The following ABCA13 variants were observed in gnomAD, a reference collection of about 807,000 sequenced individuals.
ABCA13 encodes ATP-binding cassette sub-family A member 13.
In ABCA13, 476 loss-of-function variants were observed where a neutral mutation model predicts 478.7. The observed-to-expected ratio is 0.99, with a 90% confidence interval of 0.92 to 1.07. The LOEUF is 1.07. Ranked by LOEUF, ABCA13 falls within the 50% of genes least tolerant of loss-of-function variation. The pLI is 0.00. For synonymous variants in ABCA13, 2,252 were observed against 2,158.9 expected (o/e 1.04, Z -1.20); for missense variants, 6,060 against 5,910.6 (o/e 1.03, Z -0.83).
At chr7:48,590,566 G>C (rs1452869609) in intron 57 of ABCA13, among the ~76,000 whole-genome samples, 3 of 152,104 alleles carry the variant, frequency 2.0e-5, no homozygotes, top group Non-Finnish European at 4.4e-5. Flanking sequence ...CCTCCACACT[G>C]TTTTCCATAA....
At chr7:48,573,022 A>G (rs970714281) in intron 55 of ABCA13, among the ~76,000 whole-genome samples, 1 of 152,094 alleles carries the variant, frequency 6.6e-6, no homozygotes, top group Non-Finnish European at 1.5e-5. Flanking sequence ...GGTGCATAAT[A>G]TACTAAAATT....
At chr7:48,247,265 A>G (rs1791839137) in intron 13 of ABCA13, among the ~76,000 whole-genome samples, 2 of 152,046 alleles carry the variant, frequency 1.3e-5, no homozygotes, top group African/African-American at 4.8e-5. Context: ...AATAAATAAG[A>G]AAAGTGTATG....
chr7:48,511,047 T>C, intron 50 of ABCA13, 37 bp from the exon 51 acceptor site: 1 of 1,489,238 alleles, frequency 6.7e-7, no homozygotes, highest in Non-Finnish European at 9.4e-7. Flanking sequence ...GACCATCTGA[T>C]GTAACAGCTC....
intron 10 of ABCA13, chr7:48,242,874 A>G (rs556808439): frequency 2.0e-5 from 3 of 152,384 alleles, no homozygotes; most frequent in African/African-American, 7.2e-5. Context: ...AATTGTTCAT[A>G]TCTTTTTCTC....
chr7:48,630,192 G>T (rs1794052068), intron 59 of ABCA13, among the ~76,000 whole-genome samples: 1 of 151,834 alleles, frequency 6.6e-6, no homozygotes, highest in African/African-American at 2.4e-5. Context: ...TAGGGGTATA[G>T]GTGTGGATTT....
chr7:48,639,453 G>C (rs1307969189), intron 59 of ABCA13, among the ~76,000 whole-genome samples: 1 of 152,200 alleles, frequency 6.6e-6, no homozygotes, highest in African/African-American at 2.4e-5. Flanking sequence ...TGAGGCAGCG[G>C]GGACCCCATA....
Position 48,335,464 on chromosome 7 carries a change from T to A in ABCA13, c.10042T>A (p.Ser3348Thr). 6.2e-7 allele frequency: 1 copy of A among 1,613,456 alleles called. No homozygotes were observed. Among genetic ancestry groups the A allele is most frequent in the African/African-American group, 1.3e-5 (1 of 75,030 alleles). ...FYIVDKLKTL[S>T]ETLLEMSSLF... ...TATTGTGGACAAACTAAAAACTTTA[T>A]CAGAAACACTGCTGGAAATGTCCAG... Residue 3348 changes from serine (S) to threonine (T), a missense_variant, in exon 28 of 62, where the codon TCA becomes ACA. Physicochemically the swap from Ser to Thr is moderately conservative, Grantham distance 58. Transcript: ENST00000435803.
chr7:48,579,587 T>C (rs1429945622), intron 55 of ABCA13, among the ~76,000 whole-genome samples: 1 of 152,052 alleles, frequency 6.6e-6, no homozygotes, highest in African/African-American at 2.4e-5. Flanking sequence ...CTAAATATAG[T>C]CTTCCCACCT....
At chr7:48,491,270 C>G (rs537160130) in intron 48 of ABCA13, among the ~76,000 whole-genome samples, 1 of 152,260 alleles carries the variant, frequency 6.6e-6, no homozygotes, top group South Asian at 2.1e-4. Flanking sequence ...ACATTAATAA[C>G]AAATGATAGA....
chr7:48,388,945 T>C, intron 36 of ABCA13, 95 bp from the exon 37 acceptor site: 1 of 1,416,864 alleles, frequency 7.1e-7, no homozygotes, highest in Non-Finnish European at 9.7e-7. Flanking sequence ...AGAGCTGGAA[T>C]TCAATTTCAA....
intron 47 of ABCA13, among the ~76,000 whole-genome samples, chr7:48,484,491 C>T (rs900904696): frequency 3.9e-5 from 6 of 152,212 alleles, no homozygotes; most frequent in African/African-American, 1.4e-4. Flanking sequence ...GGAATCTGTT[C>T]ATTTCCTCTA....
intron 38 of ABCA13, among the ~76,000 whole-genome samples, chr7:48,396,208 G>A (rs1469067490): frequency 1.3e-5 from 2 of 152,228 alleles, no homozygotes; most frequent in East Asian, 3.9e-4. Context: ...TCCCACCATG[G>A]CCTTGGGATG....
chr7:48,216,589 T>A (rs1380640227), intron 3 of ABCA13, among the ~76,000 whole-genome samples: 1 of 151,972 alleles, frequency 6.6e-6, no homozygotes, highest in Non-Finnish European at 1.5e-5. Flanking sequence ...AGTTTTTAAT[T>A]TTCATGAAGT....
chr7:48,492,705 A>C (rs1420783866), intron 48 of ABCA13, among the ~76,000 whole-genome samples: 4 of 152,128 alleles, frequency 2.6e-5, no homozygotes, highest in Non-Finnish European at 5.9e-5. Context: ...AAACACTGTA[A>C]GAAATAACTT....
At chr7:48,618,966 A>C (rs1484557401) in intron 59 of ABCA13, among the ~76,000 whole-genome samples, 1 of 152,248 alleles carries the variant, frequency 6.6e-6, no homozygotes, top group Middle Eastern at 3.2e-3. Context: ...AGAAGATAAT[A>C]GGCATGGTTA....
intron 41 of ABCA13, among the ~76,000 whole-genome samples, chr7:48,426,933 C>T (rs1821504999): frequency 2.8e-5 from 1 of 35,794 alleles, no homozygotes; most frequent in African/African-American, 2.4e-4. Context: ...AGTCCTATGC[C>T]TGCAGACAGA....
At chr7:48,312,823 G>A (rs556299182) in intron 24 of ABCA13, among the ~76,000 whole-genome samples, 155 of 152,334 alleles carry the variant, frequency 1.0e-3, no homozygotes, top group Non-Finnish European at 1.5e-3. Context: ...GAATTTTAAT[G>A]ATAGATCACA....
At position 48,360,095 on chromosome 7, in the gene ABCA13, G is replaced by T. The variant is rs574555528; in HGVS notation, c.10688+7608G>T. On this transcript the variant is annotated intron_variant, in intron 31 of 61. Transcript: ENST00000435803. ...CAGGGTACATGTGCACAACGTGCAG[G>T]TTTGTTACATATGTATACATGTGCC... is the stretch of plus-strand genomic sequence containing the variant. 6.0e-3 allele frequency among the ~76,000 whole-genome samples: 907 copies of T among 151,668 alleles called. 10 individuals carry two copies. The highest frequency in any genetic ancestry group is 0.018 in the Admixed American group (276 of 15,264).
chr7:48,219,499 A>T lies in ABCA13; in HGVS notation c.433A>T (p.Thr145Ser), dbSNP rs752751680. 2.1e-5 allele frequency: 34 copies of T among 1,607,922 alleles called. No individual in the cohort carries two copies. Among genetic ancestry groups the T allele is most frequent in the Non-Finnish European group, 2.8e-5 (33 of 1,178,130 alleles). ...AAGACTTTGGGTAGAACGATCCAAC[A>T]CTCCAGGCAAGTAAACCTCTCATAA... is the stretch of plus-strand genomic sequence containing the variant. Reference protein sequence around the residue: ...LKRLWVERSNTPDSSYGSSFF... With the variant: ...LKRLWVERSNSPDSSYGSSFF... Residue 145 changes from threonine (T) to serine (S), a missense_variant, in exon 4 of 62, where the codon ACT (threonine) becomes TCT (serine). Thr to Ser is a moderately conservative substitution (Grantham distance 58). Transcript: ENST00000435803.
Sources: gnomAD v4.1 joint callset for allele counts (sites outside exome capture counted in the v4.1 genomes callset) on GRCh38, gnomAD v4.1.1 for gene constraint, MANE v1.5 for transcripts, NCBI Gene and HGNC (gene_info 2026-07-23, HGNC 2026-07-21) for gene names.